Variants in GALNT13 observed in about 807,000 individuals in gnomAD.
The protein encoded by GALNT13 is UDP-GalNAc:polypeptide N-acetylgalactosaminyltransferase 13.
In GALNT13, 28 loss-of-function variants were observed where a neutral mutation model predicts 64.2. The observed-to-expected ratio is 0.44, with a 90% CI of 0.32 to 0.60. The LOEUF (loss-of-function observed/expected upper bound fraction) is 0.60. Ranked by LOEUF, GALNT13 falls within the 20% of genes least tolerant of loss-of-function variation. The pLI, the probability that GALNT13 is intolerant of heterozygous loss-of-function variation, is 0.05. For synonymous variants in GALNT13, 214 were observed against 224.6 expected, an observed-to-expected ratio of 0.95 and a Z score of 0.42; for missense variants, 577 against 669.8, an observed-to-expected ratio of 0.86 and a Z score of 1.53.
the GALNT13 span, among the ~76,000 whole-genome samples, chr2:153,303,917 C>T: frequency 6.6e-6 from 1 of 151,952 alleles, no homozygotes; most frequent in Admixed American, 6.6e-5. Context: ...CTTATAAAGG[C>T]CAGAATCTTC....
chr2:153,647,372 G>T, the GALNT13 span, among the ~76,000 whole-genome samples: 1 of 152,176 alleles, frequency 6.6e-6, no homozygotes, highest in South Asian at 2.1e-4. Flanking sequence ...TTAGCCCTTT[G>T]TCAGATGAGT....
the GALNT13 span, among the ~76,000 whole-genome samples, chr2:153,555,346 T>C: frequency 9.0e-3 from 1,223 of 135,734 alleles, 92 homozygotes; most frequent in African/African-American, 0.029. Flanking sequence ...AGGCGCCCGC[T>C]ACCACGCCCG....
chr2:154,287,947 G>C (rs564300691), intron 8 of GALNT13, among the ~76,000 whole-genome samples: 2 of 152,066 alleles, frequency 1.3e-5, no homozygotes, highest in Non-Finnish European at 2.9e-5. Context: ...GGAGATTCTA[G>C]GTGCCTCAAA....
the GALNT13 span, among the ~76,000 whole-genome samples, chr2:153,328,777 G>A: frequency 1.3e-5 from 2 of 152,058 alleles, no homozygotes; most frequent in Non-Finnish European, 2.9e-5. Flanking sequence ...AAGACCACTC[G>A]GCTCCCTAGC....
At chr2:153,836,511 T>C in the GALNT13 span, among the ~76,000 whole-genome samples, 1 of 152,016 alleles carries the variant, frequency 6.6e-6, no homozygotes, top group Non-Finnish European at 1.5e-5. Flanking sequence ...TTCTTTTTTT[T>C]TTTATATTTA....
intron 9 of GALNT13, among the ~76,000 whole-genome samples, chr2:154,344,938 A>C (rs887798600): frequency 6.6e-6 from 1 of 151,954 alleles, no homozygotes; most frequent in African/African-American, 2.4e-5. Flanking sequence ...TCCTCCAAGC[A>C]CTGTGTGGCT....
At chr2:153,073,866 CT>C in the GALNT13 span, among the ~76,000 whole-genome samples, 1 of 152,104 alleles carries the variant, frequency 6.6e-6, no homozygotes, top group Non-Finnish European at 1.5e-5. Flanking sequence ...ATCTTCCCCC[CT>C]CCCTTTATAA....
the GALNT13 span, among the ~76,000 whole-genome samples, chr2:153,324,232 A>C: frequency 6.6e-6 from 1 of 151,974 alleles, no homozygotes; most frequent in East Asian, 1.9e-4. Context: ...TTGTATTCCT[A>C]GGTATTTTAT....
At chr2:154,017,022 A>G (rs896521346) in intron 3 of GALNT13, among the ~76,000 whole-genome samples, 10 of 152,164 alleles carry the variant, frequency 6.6e-5, no homozygotes, top group African/African-American at 2.4e-4. Flanking sequence ...AACAGAAAGT[A>G]GTCTTTTTTT....
At chr2:154,417,925 T>G (rs1700093036) in intron 11 of GALNT13, among the ~76,000 whole-genome samples, 1 of 152,160 alleles carries the variant, frequency 6.6e-6, no homozygotes, top group African/African-American at 2.4e-5. Context: ...CCTTTGAACT[T>G]AGACTGCAGA....
intron 9 of GALNT13, among the ~76,000 whole-genome samples, chr2:154,326,321 T>C (rs1043734160): frequency 6.9e-6 from 1 of 145,224 alleles, no homozygotes; most frequent in African/African-American, 2.7e-5. Flanking sequence ...AGAAGGGGAT[T>C]TCTGCAAAAA....
At chr2:153,688,064 T>C in the GALNT13 span, among the ~76,000 whole-genome samples, 18 of 152,050 alleles carry the variant, frequency 1.2e-4, no homozygotes, top group Non-Finnish European at 2.2e-4. Flanking sequence ...AATTCTCAAA[T>C]TATATTTAGG....
At chr2:154,430,952 C>G (rs1379052444) in intron 11 of GALNT13, among the ~76,000 whole-genome samples, 2 of 152,146 alleles carry the variant, frequency 1.3e-5, no homozygotes, top group Middle Eastern at 6.3e-3. Context: ...AGACACAATG[C>G]TACTGCACGC....
the GALNT13 span, among the ~76,000 whole-genome samples, chr2:153,225,776 A>C: frequency 6.6e-6 from 1 of 152,208 alleles, no homozygotes; most frequent in African/African-American, 2.4e-5. Flanking sequence ...AAATATGTAC[A>C]GGATTTAAGT....
chr2:153,554,290 T>C, the GALNT13 span, among the ~76,000 whole-genome samples: 3 of 151,560 alleles, frequency 2.0e-5, no homozygotes, highest in Non-Finnish European at 2.9e-5. Context: ...GCCGAGATCG[T>C]GCCACTGCAC....
chr2:154,210,242 G>A (rs1399240211), intron 4 of GALNT13, among the ~76,000 whole-genome samples: 1 of 152,106 alleles, frequency 6.6e-6, no homozygotes, highest in Non-Finnish European at 1.5e-5. Flanking sequence ...TCCATTGATG[G>A]ACACTTTGTT....
chr2:154,266,289 A>G (rs541209610), intron 8 of GALNT13, among the ~76,000 whole-genome samples: 2 of 152,304 alleles, frequency 1.3e-5, no homozygotes, highest in South Asian at 2.1e-4. Context: ...CAAGGTCGGA[A>G]GAATAAATTA....
the GALNT13 span, among the ~76,000 whole-genome samples, chr2:153,146,455 GA>G: frequency 2.0e-5 from 3 of 151,824 alleles, no homozygotes; most frequent in African/African-American, 7.2e-5. Context: ...AGTCATGGAG[GA>G]AAACACTATC....
At chr2:153,761,278 G>C in the GALNT13 span, among the ~76,000 whole-genome samples, 1 of 151,874 alleles carries the variant, frequency 6.6e-6, no homozygotes, top group Non-Finnish European at 1.5e-5. Context: ...TTTATTTTCT[G>C]CTTTTTTGAG....
Sources: gnomAD v4.1 joint callset for allele counts (sites outside exome capture counted in the v4.1 genomes callset) on GRCh38, gnomAD v4.1.1 for gene constraint, MANE v1.5 for transcripts, NCBI Gene and HGNC (gene_info 2026-07-23, HGNC 2026-07-21) for gene names.